The following DAB1 variants were observed in gnomAD, a reference collection of about 807,000 sequenced individuals.
DAB1 encodes the protein disabled homolog 1.
A neutral mutation model predicts 64.6 loss-of-function variants in DAB1; 15 were observed. The observed-to-expected ratio is 0.23, with a 90% CI of 0.16 to 0.36. The LOEUF (loss-of-function observed/expected upper bound fraction) is 0.36. DAB1 is among the 10% of genes least tolerant of loss of function. The pLI, the probability that DAB1 is intolerant of heterozygous loss-of-function variation, is 1.00. For missense variants in DAB1, 596 were observed against 706.7 expected, an observed-to-expected ratio of 0.84 and a Z score of 1.78; for synonymous variants, 235 against 251.9, an observed-to-expected ratio of 0.93 and a Z score of 0.64.
intron 7 of DAB1, among the ~76,000 whole-genome samples, chr1:57,459,740 C>T (rs756576156): frequency 6.6e-5 from 10 of 152,180 alleles, no homozygotes; most frequent in Non-Finnish European, 1.2e-4. Flanking sequence ...CTTAGATCCC[C>T]TTGACTACTG....
At chr1:58,429,765 G>T (rs1184871781) in intron 3 of DAB1, among the ~76,000 whole-genome samples, 1 of 152,160 alleles carries the variant, frequency 6.6e-6, no homozygotes, top group Non-Finnish European at 1.5e-5. Context: ...CCTGAGCACC[G>T]CTTGCTTTCA....
chr1:57,557,204 A>G (rs1644999482), intron 7 of DAB1, among the ~76,000 whole-genome samples: 1 of 152,128 alleles, frequency 6.6e-6, no homozygotes, highest in African/African-American at 2.4e-5. Flanking sequence ...TGGCTAGAAT[A>G]TAAGCAGGCA....
chr1:58,049,706 A>G (rs890753139), intron 5 of DAB1, among the ~76,000 whole-genome samples: 1 of 152,162 alleles, frequency 6.6e-6, no homozygotes, highest in Non-Finnish European at 1.5e-5. Flanking sequence ...TAGTCTTCTT[A>G]TCTGAAAAAT....
At chr1:57,833,122 G>T (rs1039003329) in intron 1 of DAB1, among the ~76,000 whole-genome samples, 1 of 151,350 alleles carries the variant, frequency 6.6e-6, no homozygotes, top group Non-Finnish European at 1.5e-5. Context: ...TTGTAAGTCA[G>T]AAACTTACAA....
At chr1:57,408,888 G>T (rs1683873195) in intron 1 of DAB1, among the ~76,000 whole-genome samples, 1 of 152,096 alleles carries the variant, frequency 6.6e-6, no homozygotes, top group African/African-American at 2.4e-5. Context: ...CATTTCTTAG[G>T]CGCCCTTGTC....
In DAB1 at chr1:58,016,980, C is replaced by A. The variant is rs77124102; in HGVS notation, n.388-132818G>T. Among the ~76,000 whole-genome samples the A allele has an allele frequency of 3.2e-4, 48 of 152,234 alleles. No individual in the cohort carries two copies. In the South Asian group the frequency reaches 9.8e-3, roughly 31 times the overall value. On this transcript the variant is annotated intron_variant and non_coding_transcript_variant, in intron 5 of 20. Transcript: ENST00000485760. The stretch of plus-strand genomic sequence containing the variant: ...GACAAATCTGAGTGCACGTATTATT[C>A]TCTGTTATTCGTAGATAAAGAAATT...
At chr1:58,002,747 C>T (rs1203474603) in intron 5 of DAB1, among the ~76,000 whole-genome samples, 1 of 151,908 alleles carries the variant, frequency 6.6e-6, no homozygotes, top group Non-Finnish European at 1.5e-5. Context: ...CTTGATAAAG[C>T]CATTTTAGAG....
At chr1:58,200,550 A>C (rs147021570) in intron 4 of DAB1, among the ~76,000 whole-genome samples, 65 of 152,344 alleles carry the variant, frequency 4.3e-4, no homozygotes, top group African/African-American at 1.4e-3. Context: ...TTTGAAGGTA[A>C]GGAGACAACA....
intron 1 of DAB1, among the ~76,000 whole-genome samples, chr1:57,371,517 G>A (rs987260647): frequency 1.3e-5 from 2 of 152,152 alleles, no homozygotes; most frequent in African/African-American, 4.8e-5. Context: ...ATACATTTAT[G>A]GAAGCGTCTA....
intron 5 of DAB1, among the ~76,000 whole-genome samples, chr1:57,917,336 G>A (rs1042686811): frequency 6.6e-6 from 1 of 152,202 alleles, no homozygotes; most frequent in African/African-American, 2.4e-5. Flanking sequence ...TCAGCCGACT[G>A]TACTTTAAGG....
At chr1:57,576,302 C>T (rs878998039) in intron 7 of DAB1, among the ~76,000 whole-genome samples, 2 of 152,120 alleles carry the variant, frequency 1.3e-5, no homozygotes, top group Non-Finnish European at 2.9e-5. Flanking sequence ...TTTCAACTGA[C>T]GATATCTTCA....
chr1:58,538,355 A>C (rs1481568854), intron 1 of DAB1, among the ~76,000 whole-genome samples: 1 of 152,184 alleles, frequency 6.6e-6, no homozygotes, highest in Non-Finnish European at 1.5e-5. Flanking sequence ...TTATATAAGC[A>C]AAGTTCCTCA....
chr1:58,077,117 T>C (rs879563018), intron 5 of DAB1, among the ~76,000 whole-genome samples: 1 of 151,852 alleles, frequency 6.6e-6, no homozygotes, highest in Admixed American at 6.6e-5. Context: ...CCCTTCTCTA[T>C]AGGGAATAAT....
intron 7 of DAB1, among the ~76,000 whole-genome samples, chr1:57,649,067 G>A (rs1029852990): frequency 1.1e-4 from 16 of 152,194 alleles, no homozygotes; most frequent in Non-Finnish European, 1.3e-4. Flanking sequence ...AGTTTAGGAC[G>A]TCAAAATAAC....
intron 2 of DAB1, among the ~76,000 whole-genome samples, chr1:57,207,337 T>C (rs556350010): frequency 6.6e-6 from 1 of 152,098 alleles, no homozygotes; most frequent in East Asian, 1.9e-4. Context: ...TGATAAAACT[T>C]TGAACCCTTC....
At chr1:58,318,119 T>C (rs938461193) in intron 4 of DAB1, among the ~76,000 whole-genome samples, 1 of 152,242 alleles carries the variant, frequency 6.6e-6, no homozygotes, top group African/African-American at 2.4e-5. Flanking sequence ...CTAGATTGTG[T>C]GGCTCAGACC....
chr1:57,738,725 G>A (rs1215590035), intron 6 of DAB1, among the ~76,000 whole-genome samples: 1 of 152,216 alleles, frequency 6.6e-6, no homozygotes, highest in African/African-American at 2.4e-5. Context: ...CTGCCAGACA[G>A]CTCGTTGAAT....
Position 58,284,133 on chromosome 1 carries a change from C to T in DAB1, n.309+59219G>A, listed in dbSNP as rs546365158. Among the ~76,000 whole-genome samples, 493 of 152,338 alleles carry T rather than the reference C, an allele frequency of 3.2e-3. 1 individual carries two copies. The highest frequency in any genetic ancestry group is 0.011 in the African/African-American group (458 of 41,586). On this transcript the variant is annotated intron_variant and non_coding_transcript_variant, in intron 4 of 20. Coordinates refer to the DAB1 transcript ENST00000485760. ...GACTTGCCTAGTCTTGAGGTCTTTT[C>T]TGACCAGAGGCTGTTACATGGAGTT...
chr1:57,787,037 A>T (rs1465016273), intron 6 of DAB1, among the ~76,000 whole-genome samples: 1 of 152,196 alleles, frequency 6.6e-6, no homozygotes, highest in African/African-American at 2.4e-5. Context: ...ATGGAAAGAT[A>T]AACTGTATTA....
Sources: allele counts gnomAD v4.1 joint callset (sites outside exome capture counted in the v4.1 genomes callset), GRCh38; gene constraint gnomAD v4.1.1; transcripts MANE v1.5; gene names NCBI Gene and HGNC (gene_info 2026-07-23, HGNC 2026-07-21).